The following DIPK1A variants were observed in gnomAD, a reference collection of about 807,000 sequenced individuals.
DIPK1A encodes divergent protein kinase domain 1A, also known as family with sequence similarity 69 member A.
A neutral mutation model predicts 40.8 loss-of-function variants in DIPK1A; 27 were observed. The ratio of observed to expected loss-of-function variants is 0.66; its 90% CI spans 0.49 to 0.91. DIPK1A has a LOEUF of 0.91. DIPK1A is among the 40% of genes least tolerant of loss of function. The probability of loss-of-function intolerance (pLI) is 0.00; values close to 1 mark genes in which losing one functional copy is unlikely to be tolerated. For missense variants in DIPK1A, 412 were observed against 505.7 expected (o/e 0.81, Z 1.78); for synonymous variants, 166 against 171.3 (o/e 0.97, Z 0.24).
chr1:92,857,666 C>T (rs2100740439), intron 2 of DIPK1A, among the ~76,000 whole-genome samples: 1 of 152,184 alleles, frequency 6.6e-6, no homozygotes, highest in East Asian at 1.9e-4. Context: ...ATGAGATTTG[C>T]ATGTATATAT....
At chr1:92,868,370 T>G (rs1402216733) in intron 2 of DIPK1A, among the ~76,000 whole-genome samples, 1 of 152,238 alleles carries the variant, frequency 6.6e-6, no homozygotes, top group Non-Finnish European at 1.5e-5. Flanking sequence ...AAGACAGATT[T>G]TCATAAGCCA....
intron 1 of DIPK1A, chr1:92,931,412 C>A: frequency 4.3e-6 from 1 of 230,216 alleles, no homozygotes; most frequent in Non-Finnish European, 9.2e-6. Flanking sequence ...TTTTTTAAAA[C>A]AAAAGATGTA....
chr1:92,898,765 G>A (rs1285753125), intron 1 of DIPK1A, among the ~76,000 whole-genome samples: 2 of 151,968 alleles, frequency 1.3e-5, no homozygotes, highest in African/African-American at 2.4e-5. Context: ...TTACAGGTAT[G>A]AGTCTGTCTT....
At chr1:92,889,593 G>C (rs1460738130) in intron 1 of DIPK1A, among the ~76,000 whole-genome samples, 11 of 151,838 alleles carry the variant, frequency 7.2e-5, no homozygotes, top group Non-Finnish European at 1.3e-4. Flanking sequence ...TGGTAGTATG[G>C]TCAAGTTAAC....
intron 1 of DIPK1A, among the ~76,000 whole-genome samples, chr1:92,913,259 C>T (rs752379622): frequency 1.6e-4 from 24 of 152,100 alleles, no homozygotes; most frequent in Non-Finnish European, 3.2e-4. Flanking sequence ...GCAGTTTACA[C>T]AATTTATTCC....
chr1:92,907,598 C>T (rs1409123411), intron 1 of DIPK1A, among the ~76,000 whole-genome samples: 1 of 151,868 alleles, frequency 6.6e-6, no homozygotes, highest in Non-Finnish European at 1.5e-5. Flanking sequence ...CCCCGCTATG[C>T]CTGGCTTACT....
chr1:92,907,597 G>A (rs1649674161), intron 1 of DIPK1A, among the ~76,000 whole-genome samples: 1 of 151,804 alleles, frequency 6.6e-6, no homozygotes, highest in African/African-American at 2.4e-5. Context: ...ACCCCGCTAT[G>A]CCTGGCTTAC....
Position 92,959,277 on chromosome 1 carries a change from C to A in DIPK1A, c.54+2099G>T, listed in dbSNP as rs565663617. ...CTCCAGCCTGGGCAACAGAAGGAGA[C>A]CCGTCTCTAAATAAATAAATAAATG... On this transcript the variant is annotated intron_variant, in intron 1 of 4. Transcript: ENST00000370310. Among the ~76,000 whole-genome samples, 8 of 151,722 alleles carry A rather than the reference C, an allele frequency of 5.3e-5. No individual in the cohort carries two copies. The South Asian group carries it at 1.5e-3, about 28-fold the overall frequency.
At chr1:92,836,330 T>G in intron 4 of DIPK1A, 3 of 1,614,188 alleles carry the variant, frequency 1.9e-6, no homozygotes, top group Non-Finnish European at 2.5e-6. Context: ...GAACTACCAC[T>G]GGCAATAAAG....
chr1:92,851,868 A>G (rs1157187265), intron 2 of DIPK1A, among the ~76,000 whole-genome samples: 1 of 152,204 alleles, frequency 6.6e-6, no homozygotes, highest in Non-Finnish European at 1.5e-5. Flanking sequence ...TCCTGGTTGC[A>G]ACAAAGATTT....
chr1:92,951,869 A>C (rs983831248), intron 1 of DIPK1A, among the ~76,000 whole-genome samples: 17 of 151,792 alleles, frequency 1.1e-4, no homozygotes, highest in African/African-American at 3.9e-4. Flanking sequence ...AACTGCTAAC[A>C]TTGTTCTAAT....
chr1:92,920,179 T>C (rs1487379112), intron 1 of DIPK1A, among the ~76,000 whole-genome samples: 3 of 152,228 alleles, frequency 2.0e-5, no homozygotes, highest in Non-Finnish European at 4.4e-5. Context: ...TTTGTCTGTG[T>C]CATCACCCAA....
chr1:92,916,499 A>G (rs1489964117), intron 1 of DIPK1A, among the ~76,000 whole-genome samples: 1 of 151,872 alleles, frequency 6.6e-6, no homozygotes, highest in Non-Finnish European at 1.5e-5. Context: ...ATGTGGTTTC[A>G]CCATGTTGGC....
At chr1:92,869,487 T>C (rs1312555828) in intron 2 of DIPK1A, among the ~76,000 whole-genome samples, 2 of 152,048 alleles carry the variant, frequency 1.3e-5, no homozygotes, top group African/African-American at 4.8e-5. Flanking sequence ...ATAGGAAAAA[T>C]AAGCTAAAGG....
chr1:92,938,329 A>G (rs772897596), intron 1 of DIPK1A, among the ~76,000 whole-genome samples: 7 of 152,140 alleles, frequency 4.6e-5, no homozygotes, highest in Non-Finnish European at 8.8e-5. Context: ...ATGGTGGTGC[A>G]TACTTGTAGT....
Position 92,929,521 on chromosome 1 carries a change from C to T in DIPK1A, c.54+31855G>A, listed in dbSNP as rs373175520. Among the ~76,000 whole-genome samples, 60 of 152,322 alleles carry T rather than the reference C, an allele frequency of 3.9e-4. 1 individual carries two copies. The highest frequency in any genetic ancestry group is 1.3e-3 in the African/African-American group (56 of 41,578). ...CAAAGTTTCTGGCTGTTCTACTAGT[C>T]CTGAGCCCTGTTATCTAAGATTTCT... On this transcript the variant is annotated intron_variant, in intron 1 of 4. Transcript: ENST00000370310.
In DIPK1A at chr1:92,916,223, G is replaced by T. The variant is rs201829569; in HGVS notation, c.55-39793C>A. 4.0e-5 allele frequency among the ~76,000 whole-genome samples: 6 copies of T among 151,694 alleles called. No individual in the cohort carries two copies. The East Asian group carries it at 7.7e-4, about 19-fold the overall frequency. ...TATATTAAAAATTACTGAATTGTGTGCTTTAAAAGGGTTTTATAGTATATG... is the reference window on the plus strand; with the variant it reads ...TATATTAAAAATTACTGAATTGTGTTCTTTAAAAGGGTTTTATAGTATATG... On this transcript the variant is annotated intron_variant, in intron 1 of 4. Transcript: ENST00000370310.
chr1:92,928,041 T>C (rs575160556), intron 1 of DIPK1A, among the ~76,000 whole-genome samples: 1 of 152,336 alleles, frequency 6.6e-6, no homozygotes, highest in South Asian at 2.1e-4. Flanking sequence ...CAAACTATTT[T>C]ACAAAGCAGC....
chr1:92,952,102 T>C (rs1242437986), intron 1 of DIPK1A, among the ~76,000 whole-genome samples: 1 of 149,150 alleles, frequency 6.7e-6, no homozygotes, highest in Non-Finnish European at 1.5e-5. Context: ...TCTGGAGACA[T>C]ATCTGATAGT....
Sources: gnomAD v4.1 joint callset for allele counts (sites outside exome capture counted in the v4.1 genomes callset) on GRCh38, gnomAD v4.1.1 for gene constraint, MANE v1.5 for transcripts, NCBI Gene and HGNC (gene_info 2026-07-23, HGNC 2026-07-21) for gene names.